Variants in PRRX1 observed in about 807,000 individuals in gnomAD.
PRRX1 encodes the protein paired related homeobox 1, also known as paired mesoderm homeobox protein 1.
In PRRX1, 8 loss-of-function variants were observed where a neutral mutation model predicts 24.0. That is an observed-to-expected ratio of 0.33 (90% CI 0.20 to 0.60). The LOEUF (loss-of-function observed/expected upper bound fraction) is 0.60, where lower values mean the gene tolerates loss of function less well. Among genes scored for constraint, PRRX1 ranks in the 20% least tolerant of loss-of-function variants. The pLI is 0.82. For missense variants in PRRX1, 281 were observed against 322.4 expected (o/e 0.87, Z 0.98); for synonymous variants, 160 against 131.7 (o/e 1.22, Z -1.47).
chr1:170,677,300 T>C (rs1193604562), intron 1 of PRRX1, among the ~76,000 whole-genome samples: 1 of 152,234 alleles, frequency 6.6e-6, no homozygotes, highest in Non-Finnish European at 1.5e-5. Context: ...ATCACGCAGA[T>C]TTGTTATTTG....
intron 1 of PRRX1, among the ~76,000 whole-genome samples, chr1:170,698,718 T>A (rs760438928): frequency 6.6e-5 from 10 of 152,124 alleles, no homozygotes; most frequent in Non-Finnish European, 1.5e-4. Flanking sequence ...ATTTGGCCAA[T>A]GATTCTTAAG....
At chr1:170,702,923 T>C (rs1654437676) in intron 1 of PRRX1, among the ~76,000 whole-genome samples, 1 of 152,204 alleles carries the variant, frequency 6.6e-6, no homozygotes, top group African/African-American at 2.4e-5. Context: ...ATTAGATTAA[T>C]GCTCCCACTA....
chr1:170,672,562 T>C (rs1043079248), intron 1 of PRRX1, among the ~76,000 whole-genome samples: 4 of 152,204 alleles, frequency 2.6e-5, no homozygotes, highest in Admixed American at 2.0e-4. Context: ...TAAATAAGCA[T>C]AAAAACAGAT....
chr1:170,697,162 A>T (rs932256902), intron 1 of PRRX1, among the ~76,000 whole-genome samples: 1 of 152,164 alleles, frequency 6.6e-6, no homozygotes, highest in African/African-American at 2.4e-5. Flanking sequence ...TCCAGGCAGG[A>T]GACAGCCAGG....
intron 1 of PRRX1, among the ~76,000 whole-genome samples, chr1:170,712,193 AT>A (rs963155471): frequency 2.6e-5 from 4 of 151,980 alleles, no homozygotes; most frequent in East Asian, 1.9e-4. Context: ...TGCTTTCTAG[AT>A]TTTTTTTCCA....
At chr1:170,696,542 A>T (rs554510923) in intron 1 of PRRX1, among the ~76,000 whole-genome samples, 2 of 152,274 alleles carry the variant, frequency 1.3e-5, no homozygotes, top group South Asian at 4.2e-4. Context: ...TTTTCCAGTT[A>T]AAAAAAGGGC....
At chr1:170,710,442 C>A (rs116293554) in intron 1 of PRRX1, among the ~76,000 whole-genome samples, 2 of 152,142 alleles carry the variant, frequency 1.3e-5, no homozygotes, top group African/African-American at 4.8e-5. Context: ...ATCAAAGTCT[C>A]CTTATTTCCA....
intron 1 of PRRX1, among the ~76,000 whole-genome samples, chr1:170,689,751 A>G (rs1239932862): frequency 1.3e-5 from 2 of 151,772 alleles, no homozygotes; most frequent in Non-Finnish European, 2.9e-5. Flanking sequence ...CATGGGATAC[A>G]CAGGTTGGGT....
chr1:170,701,782 A>G (rs544938285), intron 1 of PRRX1, among the ~76,000 whole-genome samples: 43 of 152,210 alleles, frequency 2.8e-4, no homozygotes, highest in Non-Finnish European at 5.6e-4. Context: ...ATTCTGATAC[A>G]TGCATGCAAT....
At chr1:170,667,033 G>A (rs1460156109) in intron 1 of PRRX1, among the ~76,000 whole-genome samples, 2 of 152,088 alleles carry the variant, frequency 1.3e-5, no homozygotes, top group Admixed American at 1.3e-4. Flanking sequence ...ATCCCGGGCG[G>A]AATTGGGGAC....
At chr1:170,665,164 C>G (rs1162436382) in intron 1 of PRRX1, among the ~76,000 whole-genome samples, 1 of 152,194 alleles carries the variant, frequency 6.6e-6, no homozygotes, top group Non-Finnish European at 1.5e-5. Context: ...AAGGGTGAAA[C>G]CTGAAATCCA....
intron 1 of PRRX1, among the ~76,000 whole-genome samples, chr1:170,670,529 T>C (rs535488984): frequency 6.6e-6 from 1 of 152,248 alleles, no homozygotes; most frequent in African/African-American, 2.4e-5. Context: ...GAGTAATACC[T>C]CTCCACTGTG....
intron 1 of PRRX1, among the ~76,000 whole-genome samples, chr1:170,687,017 C>T (rs774112983): frequency 6.7e-6 from 1 of 150,010 alleles, no homozygotes; most frequent in African/African-American, 2.5e-5. Context: ...AGCATCCTCC[C>T]CCAGCCCCCC....
chr1:170,708,786 T>C (rs116216739), intron 1 of PRRX1, among the ~76,000 whole-genome samples: 295 of 152,292 alleles, frequency 1.9e-3, no homozygotes, highest in African/African-American at 6.8e-3. Context: ...TGCTGCAAAG[T>C]CATTCACTGA....
rs1388561292 is a variant in PRRX1, at chr1:170,700,075, G to A, written c.242-19651G>A. On this transcript the variant is annotated intron_variant, in intron 1 of 3. Coordinates refer to ENST00000239461, the MANE Select transcript of PRRX1 (RefSeq NM_022716.4). ...TATATGCTTATAATCATATTTAAAT[G>A]TATTGATGGGGTTACAAACTTAAAA... Among the ~76,000 whole-genome samples the A allele has an allele frequency of 2.6e-5, 4 of 152,154 alleles. No homozygotes were observed. The East Asian group carries it at 7.7e-4, about 29-fold the overall frequency.
intron 2 of PRRX1, among the ~76,000 whole-genome samples, chr1:170,721,341 C>A (rs1403215261): frequency 6.6e-6 from 1 of 152,110 alleles, no homozygotes; most frequent in Non-Finnish European, 1.5e-5. Flanking sequence ...TTAATAATTT[C>A]TTTCTGCAAA....
At chr1:170,709,908 G>T (rs749432923) in intron 1 of PRRX1, among the ~76,000 whole-genome samples, 2 of 152,226 alleles carry the variant, frequency 1.3e-5, no homozygotes, top group African/African-American at 4.8e-5. Context: ...GCAGAGAAAT[G>T]AAGTATGTAG....
intron 1 of PRRX1, among the ~76,000 whole-genome samples, chr1:170,699,793 T>C (rs990527253): frequency 6.6e-6 from 1 of 152,086 alleles, no homozygotes; most frequent in Non-Finnish European, 1.5e-5. Flanking sequence ...TGGAGTGTGG[T>C]GGCGTGATCT....
chr1:170,703,563 A>G lies in PRRX1; in HGVS notation c.242-16163A>G. On this transcript the variant is annotated intron_variant, in intron 1 of 3. Transcript: ENST00000239461. Reference sequence around the variant, plus strand: ...TACAAAATATTGTCTCTGTCTTCACAGAGTTTATAATAATAATACATTATA... The same window carrying G: ...TACAAAATATTGTCTCTGTCTTCACGGAGTTTATAATAATAATACATTATA... Among the ~76,000 whole-genome samples the G allele has an allele frequency of 2.0e-5, 3 of 152,286 alleles. 1 individual carries two copies. Among genetic ancestry groups the G allele is most frequent in the Non-Finnish European group, 4.4e-5 (3 of 68,030 alleles).
Sources: gnomAD v4.1 joint callset for allele counts (sites outside exome capture counted in the v4.1 genomes callset) on GRCh38, gnomAD v4.1.1 for gene constraint, MANE v1.5 for transcripts, NCBI Gene and HGNC (gene_info 2026-07-23, HGNC 2026-07-21) for gene names.